FBXL7: variants seen among roughly 807,000 people sequenced by gnomAD.
FBXL7 encodes F-box/LRR-repeat protein 7.
Under a neutral mutation model 38.3 loss-of-function variants are expected in FBXL7, and 12 were observed. The ratio of observed to expected loss-of-function variants is 0.31; its 90% CI spans 0.20 to 0.51. FBXL7 has a LOEUF of 0.51. Among genes scored for constraint, FBXL7 ranks in the 20% least tolerant of loss-of-function variants. The probability of loss-of-function intolerance (pLI) is 0.98; values close to 1 mark genes in which losing one functional copy is unlikely to be tolerated. For synonymous variants in FBXL7, 297 were observed against 300.9 expected (o/e 0.99, Z 0.13); for missense variants, 567 against 676.4 (o/e 0.84, Z 1.79).
chr5:15,796,192 G>A (rs747251426), intron 2 of FBXL7, among the ~76,000 whole-genome samples: 6 of 152,256 alleles, frequency 3.9e-5, no homozygotes, highest in East Asian at 3.9e-4. Flanking sequence ...GAATTATAAC[G>A]ATGATAAGAG....
intron 2 of FBXL7, among the ~76,000 whole-genome samples, chr5:15,641,576 G>C (rs1186185858): frequency 6.6e-6 from 1 of 151,520 alleles, no homozygotes; most frequent in Non-Finnish European, 1.5e-5. Flanking sequence ...CTCAGACATT[G>C]GGTTAAATAT....
chr5:15,927,993 GTCC>G lies in FBXL7; in HGVS notation c.235_237del (p.Ser79del). 6.3e-7 allele frequency: 1 copy of G among 1,599,480 alleles called. No individual in the cohort carries two copies. The highest frequency in any genetic ancestry group is 8.5e-7 in the Non-Finnish European group (1 of 1,171,416). ...ATGGAAGGGGCTCGTCCACCTCCTC[GTCC>G]TCCATCACCGGGGAGACGGTGGCCA... On this transcript the variant is annotated inframe_deletion, in exon 3 of 4. Transcript: ENST00000504595.
chr5:15,741,796 A>G (rs1445073871), intron 2 of FBXL7, among the ~76,000 whole-genome samples: 2 of 151,106 alleles, frequency 1.3e-5, no homozygotes, highest in African/African-American at 2.4e-5. Flanking sequence ...GTACAGGAAA[A>G]GAACAACTTT....
Position 15,882,670 on chromosome 5 carries a change from A to G in FBXL7, c.128-45220A>G, listed in dbSNP as rs79233078. ...TCAACAATAAGTCTTATGAAGCCAA[A>G]TGGCCTTTAATGCAAGAAACCACAA... On this transcript the variant is annotated intron_variant, in intron 2 of 3. Transcript: ENST00000504595. 3.3e-3 allele frequency among the ~76,000 whole-genome samples: 508 copies of G among 152,320 alleles called. 1 individual carries two copies. The highest frequency in any genetic ancestry group is 0.012 in the African/African-American group (490 of 41,588).
chr5:15,880,738 T>A (rs866395507), intron 2 of FBXL7, among the ~76,000 whole-genome samples: 1 of 146,696 alleles, frequency 6.8e-6, no homozygotes, highest in African/African-American at 2.5e-5. Context: ...TATATATATA[T>A]AAAGTAATAT....
intron 2 of FBXL7, among the ~76,000 whole-genome samples, chr5:15,864,287 C>G (rs1048978696): frequency 1.3e-5 from 2 of 151,862 alleles, no homozygotes; most frequent in South Asian, 4.1e-4. Flanking sequence ...TTATAGCAAC[C>G]CAAATGGACT....
intron 2 of FBXL7, among the ~76,000 whole-genome samples, chr5:15,841,293 C>T (rs939735297): frequency 3.9e-5 from 6 of 151,956 alleles, no homozygotes; most frequent in African/African-American, 1.5e-4. Context: ...GCCAAAGTTT[C>T]CCTATTAAAT....
At chr5:15,767,199 G>A (rs1369989802) in intron 2 of FBXL7, among the ~76,000 whole-genome samples, 3 of 151,670 alleles carry the variant, frequency 2.0e-5, no homozygotes, top group Admixed American at 6.6e-5. Flanking sequence ...GCGTTGTCAC[G>A]CCCCCATGTG....
At chr5:15,807,510 C>T (rs1737745817) in intron 2 of FBXL7, among the ~76,000 whole-genome samples, 1 of 152,072 alleles carries the variant, frequency 6.6e-6, no homozygotes, top group African/African-American at 2.4e-5. Flanking sequence ...AGGGACAAAG[C>T]CCAGCACATG....
At chr5:15,915,483 C>T (rs1375571864) in intron 2 of FBXL7, among the ~76,000 whole-genome samples, 1 of 152,214 alleles carries the variant, frequency 6.6e-6, no homozygotes, top group Non-Finnish European at 1.5e-5. Context: ...CTTTCTGTGT[C>T]TATACCCTGT....
chr5:15,645,260 A>G (rs546529897), intron 2 of FBXL7, among the ~76,000 whole-genome samples: 1 of 152,312 alleles, frequency 6.6e-6, no homozygotes, highest in African/African-American at 2.4e-5. Context: ...CTAAAGGGAA[A>G]GGTCAAGCTG....
At chr5:15,684,371 A>G (rs968374060) in intron 2 of FBXL7, among the ~76,000 whole-genome samples, 2 of 152,232 alleles carry the variant, frequency 1.3e-5, no homozygotes, top group Non-Finnish European at 2.9e-5. Flanking sequence ...TGGGGGACAC[A>G]TAGATTTGGA....
At chr5:15,744,507 A>G (rs1579427251) in intron 2 of FBXL7, among the ~76,000 whole-genome samples, 1 of 152,154 alleles carries the variant, frequency 6.6e-6, no homozygotes, top group Non-Finnish European at 1.5e-5. Context: ...GGAAGTTTCA[A>G]ACTTTCCCAC....
intron 2 of FBXL7, among the ~76,000 whole-genome samples, chr5:15,634,624 T>C (rs1339346087): frequency 6.6e-6 from 1 of 152,170 alleles, no homozygotes; most frequent in Non-Finnish European, 1.5e-5. Context: ...CCTGGCTTTA[T>C]GCATCAGTTT....
intron 2 of FBXL7, among the ~76,000 whole-genome samples, chr5:15,903,776 TA>T (rs1397696052): frequency 6.6e-6 from 1 of 152,006 alleles, no homozygotes; most frequent in Non-Finnish European, 1.5e-5. Context: ...TAAATTAAAT[TA>T]AAACAAACAG....
chr5:15,666,385 C>T (rs1742277323), intron 2 of FBXL7, among the ~76,000 whole-genome samples: 2 of 152,134 alleles, frequency 1.3e-5, no homozygotes, highest in African/African-American at 4.8e-5. Flanking sequence ...GCACTATCTA[C>T]TATATTTACA....
chr5:15,613,483 G>T (rs1343839948), intron 1 of FBXL7, among the ~76,000 whole-genome samples: 1 of 152,174 alleles, frequency 6.6e-6, no homozygotes, highest in African/African-American at 2.4e-5. Context: ...TTAACTCTGA[G>T]GGTAGAGGCT....
chr5:15,616,049 A>T lies in FBXL7; in HGVS notation c.104A>T (p.Gln35Leu). The change falls in exon 2 of 4, where the codon CAG becomes CTG. Residue 35 changes from glutamine to leucine, a missense_variant. Coordinates refer to ENST00000504595, the MANE Select transcript of FBXL7 (RefSeq NM_012304.5). ...ACAGATCACACGCCCACTAAAGCCC[A>T]GAAGAATGTGGCTACCAGCGAAGGT... ...SSTDHTPTKAQKNVATSEDSD... is the reference protein window; with the variant it reads ...SSTDHTPTKALKNVATSEDSD... 1 of 1,613,282 alleles carries T rather than the reference A, an allele frequency of 6.2e-7. No homozygotes were observed. Among genetic ancestry groups the T allele is most frequent in the Non-Finnish European group, 8.5e-7 (1 of 1,179,378 alleles).
At chr5:15,824,219 C>T (rs957299949) in intron 2 of FBXL7, among the ~76,000 whole-genome samples, 1 of 151,490 alleles carries the variant, frequency 6.6e-6, no homozygotes, top group Non-Finnish European at 1.5e-5. Flanking sequence ...TTGCTTGAAC[C>T]CGGGAGGAGG....
Sources: allele counts gnomAD v4.1 joint callset (sites outside exome capture counted in the v4.1 genomes callset), GRCh38; gene constraint gnomAD v4.1.1; transcripts MANE v1.5; gene names NCBI Gene and HGNC (gene_info 2026-07-23, HGNC 2026-07-21).